Variants in CELSR1 observed in about 807,000 individuals in gnomAD.
CELSR1 encodes the protein adhesion G protein-coupled receptor C1.
A neutral mutation model predicts 249.1 loss-of-function variants in CELSR1; 110 were observed. The observed-to-expected ratio is 0.44, with a 90% CI of 0.38 to 0.52. CELSR1 has a LOEUF of 0.52. Among genes scored for constraint, CELSR1 ranks in the 20% least tolerant of loss-of-function variants. The probability of loss-of-function intolerance (pLI) is 0.00; values close to 1 mark genes in which losing one functional copy is unlikely to be tolerated. For missense variants in CELSR1, 4,109 were observed against 4,296.4 expected, an observed-to-expected ratio of 0.96 and a Z score of 1.22; for synonymous variants, 2,113 against 1,900.0, an observed-to-expected ratio of 1.11 and a Z score of -2.92.
intron 1 of CELSR1, among the ~76,000 whole-genome samples, chr22:46,511,119 C>A (rs886835086): frequency 1.3e-5 from 2 of 150,772 alleles, no homozygotes; most frequent in East Asian, 1.9e-4. Context: ...GTCTCAAAAA[C>A]ACACACACAC....
chr22:46,365,603 C>T lies in CELSR1; in HGVS notation c.8387G>A (p.Ser2796Asn), dbSNP rs1428430297. The T allele has an allele frequency of 6.3e-7, 1 of 1,593,332 alleles. No homozygotes were observed. Among genetic ancestry groups the T allele is most frequent in the Admixed American group, 1.8e-5 (1 of 57,130 alleles). The change falls in exon 31 of 35, where the codon AGC becomes AAC. Residue 2796 changes from serine (S) to asparagine (N), a missense_variant. Coordinates refer to ENST00000674500, the MANE Select transcript of CELSR1 (RefSeq NM_001378328.1). ...GEPDASLMPR[S>N]CKDPPGHDSD... ...AGCCATACCAGGGGGATCCTTGCAG[C>T]TCCTGGGCATGAGGGACGCGTCTGG...
rs1249875081 is a variant in CELSR1, at chr22:46,527,608, C to A, written c.3544+6019G>T. Among the ~76,000 whole-genome samples the A allele has an allele frequency of 2.6e-5, 4 of 152,246 alleles. No individual in the cohort carries two copies. The highest frequency in any genetic ancestry group is 5.9e-5 in the Non-Finnish European group (4 of 68,044). On this transcript the variant is annotated intron_variant, in intron 1 of 34. Coordinates refer to ENST00000674500, the MANE Select transcript of CELSR1 (RefSeq NM_001378328.1). The surrounding 1 kb of genome is among the most constrained non-coding windows in gnomAD (Gnocchi z 5.5). ...GGACCACACTGGCTCTCCCGGCTTT[C>A]GCACACAGCAGGTGCTCAATAAACA...
chr22:46,463,671 C>G (rs1219613215), intron 2 of CELSR1, 36 bp downstream of exon 2: 1 of 1,486,816 alleles, frequency 6.7e-7, no homozygotes, highest in Non-Finnish European at 8.9e-7. Flanking sequence ...GACCTGGGGA[C>G]ATGTACACAA....
intron 2 of CELSR1, among the ~76,000 whole-genome samples, chr22:46,460,550 A>G (rs1338020283): frequency 6.6e-6 from 1 of 152,200 alleles, no homozygotes; most frequent in Non-Finnish European, 1.5e-5. Context: ...TGAGCAATTT[A>G]ACAACAAACA....
chr22:46,364,905 C>T (rs916803731), intron 32 of CELSR1, among the ~76,000 whole-genome samples, 169 bp from the exon 33 acceptor site: 4 of 152,240 alleles, frequency 2.6e-5, no homozygotes, highest in African/African-American at 9.6e-5. Flanking sequence ...GTCCTGGCAG[C>T]AGGGCCCTTG....
At chr22:46,397,272 T>G (rs2079158039) in intron 12 of CELSR1, among the ~76,000 whole-genome samples, 1 of 143,396 alleles carries the variant, frequency 7.0e-6, no homozygotes, top group South Asian at 2.1e-4. Flanking sequence ...CCTGGCTAAT[T>G]TTTGCTTTTT....
At position 46,371,888 on chromosome 22, in the gene CELSR1, T is replaced by C. The variant is rs1158292666; in HGVS notation, c.7759+995A>G. Reference sequence around the variant, plus strand: ...TCCAATCCATCCATCCATCCATCCATCCACCCACCTCTCCATCCCTCCATC... The same window carrying C: ...TCCAATCCATCCATCCATCCATCCACCCACCCACCTCTCCATCCCTCCATC... On this transcript the variant is annotated intron_variant, in intron 25 of 34. Transcript: ENST00000674500. Among the ~76,000 whole-genome samples, 14 of 138,658 alleles carry C rather than the reference T, an allele frequency of 1.0e-4. No homozygotes were observed. The East Asian group carries it at 2.6e-3, about 26-fold the overall frequency. The allele number at this position is 138,658 out of a possible 152,430, so 91.0% of individuals were successfully genotyped here.
rs766527669 is a variant in CELSR1 at position 46,437,752 on chromosome 22, C to CAAAAAA, written c.4406+1431_4406+1436dup. 4.1e-3 allele frequency among the ~76,000 whole-genome samples: 452 copies of CAAAAAA among 110,954 alleles called. 3 individuals are homozygous for CAAAAAA. Among genetic ancestry groups the CAAAAAA allele is most frequent in the African/African-American group, 0.014 (423 of 29,422 alleles). The allele number at this position is 110,954 out of a possible 152,430, so 72.8% of individuals were successfully genotyped here. A position where few individuals can be genotyped will look rare whatever the true frequency, so the allele number is the denominator to read the frequency against. On this transcript the variant is annotated intron_variant, in intron 3 of 34. Coordinates refer to ENST00000674500, the MANE Select transcript of CELSR1 (RefSeq NM_001378328.1). This position sits in a 1 kb window ranked among gnomAD's most constrained non-coding sequence, Gnocchi z 4.9. ...CTGGCAACAAAGCAAGACTCCGTCT[C>CAAAAAA]AAAAAAAAAAAAAAAACTGATGGTT...
rs1430048416 is a variant in CELSR1 at position 46,433,805 on chromosome 22, C to G, written c.4523-324G>C. Among the ~76,000 whole-genome samples the G allele has an allele frequency of 6.6e-6, 1 of 152,202 alleles. No individual in the cohort carries two copies. Among genetic ancestry groups the G allele is most frequent in the African/African-American group, 2.4e-5 (1 of 41,438 alleles). On this transcript the variant is annotated intron_variant, in intron 4 of 34. Coordinates refer to ENST00000674500, the MANE Select transcript of CELSR1 (RefSeq NM_001378328.1). The surrounding 1 kb of genome is among the most constrained non-coding windows in gnomAD (Gnocchi z 5.7). ...GTTCAAGAGATTCTCCTGCCTCAGC[C>G]TCCTGAGTAGCTGGGATTACAGGCA... is the stretch of plus-strand genomic sequence containing the variant.
chr22:46,466,686 C>T (rs1456928827), intron 1 of CELSR1, among the ~76,000 whole-genome samples: 1 of 152,188 alleles, frequency 6.6e-6, no homozygotes, highest in Non-Finnish European at 1.5e-5. Flanking sequence ...CCAATACAGT[C>T]GACTCATAGA....
intron 31 of CELSR1, 99 bp downstream of exon 31, chr22:46,365,487 G>T (rs2078758787): frequency 1.3e-6 from 2 of 1,547,380 alleles, no homozygotes; most frequent in Non-Finnish European, 1.8e-6. Flanking sequence ...GCTGAGCATG[G>T]CGAGGCTGCT....
At chr22:46,368,286 A>G (rs2078810187) in intron 27 of CELSR1, among the ~76,000 whole-genome samples, 1 of 152,072 alleles carries the variant, frequency 6.6e-6, no homozygotes, top group Non-Finnish European at 1.5e-5. Flanking sequence ...CAAGGGGAAG[A>G]CAAAGGCGCA....
At position 46,446,734 on chromosome 22, in the gene CELSR1, CA is replaced by C. The variant is rs2079825490; in HGVS notation, c.4184-7324del. ...ATGCCTGCACTTAATCCATGAGTTA[CA>C]AAACGACATAATTCCCATATTTGAT... is the stretch of plus-strand genomic sequence containing the variant. On this transcript the variant is annotated intron_variant, in intron 2 of 34. Transcript: ENST00000674500. This position sits in a 1 kb window ranked among gnomAD's most constrained non-coding sequence, Gnocchi z 5.5. Among the ~76,000 whole-genome samples, 1 of 152,088 alleles carries C rather than the reference CA, an allele frequency of 6.6e-6. No homozygotes were observed. Among genetic ancestry groups the C allele is most frequent in the South Asian group, 2.1e-4 (1 of 4,826 alleles).
Position 46,448,132 on chromosome 22 carries a change from A to C in CELSR1, c.4184-8721T>G, listed in dbSNP as rs1267736042. Among the ~76,000 whole-genome samples the C allele has an allele frequency of 6.6e-6, 1 of 152,232 alleles. No homozygotes were observed. The highest frequency in any genetic ancestry group is 6.5e-5 in the Admixed American group (1 of 15,286). ...AAAAGCCCTGGCTTCACAGGGCTTC[A>C]GCAAACGGCTTACCTGCTGCAGGCG... On this transcript the variant is annotated intron_variant, in intron 2 of 34. Coordinates refer to ENST00000674500, the MANE Select transcript of CELSR1 (RefSeq NM_001378328.1). This position sits in a 1 kb window ranked among gnomAD's most constrained non-coding sequence, Gnocchi z 5.7.
rs2078974994 is a variant in CELSR1, at chr22:46,381,264, G to A, written c.7089-309C>T. ...AGCTAATGGCAGAATCACAGGGGAT[G>A]GTTTCAGTGTCCAGCAAAAGACACC... On this transcript the variant is annotated intron_variant, in intron 21 of 34. Transcript: ENST00000674500. The surrounding 1 kb of genome is among the most constrained non-coding windows in gnomAD (Gnocchi z 6.0). Among the ~76,000 whole-genome samples, 2 of 152,196 alleles carry A rather than the reference G, an allele frequency of 1.3e-5. No individual in the cohort carries two copies. Among genetic ancestry groups the A allele is most frequent in the African/African-American group, 4.8e-5 (2 of 41,442 alleles).
chr22:46,485,828 C>T (rs2080307506), intron 1 of CELSR1, among the ~76,000 whole-genome samples: 1 of 151,984 alleles, frequency 6.6e-6, no homozygotes, highest in East Asian at 1.9e-4. Context: ...AACGTGAACC[C>T]GTTTTGTTCA....
chr22:46,489,893 CA>C (rs34918973), intron 1 of CELSR1, among the ~76,000 whole-genome samples: 40 of 144,094 alleles, frequency 2.8e-4, no homozygotes, highest in Non-Finnish European at 2.4e-4. Flanking sequence ...GACTCCTTCT[CA>C]AAAAAAAAAA....
chr22:46,368,691 G>C (rs1163792213), intron 27 of CELSR1, among the ~76,000 whole-genome samples: 1 of 152,066 alleles, frequency 6.6e-6, no homozygotes, highest in African/African-American at 2.4e-5. Context: ...GGTGCCACCT[G>C]CTCCTTTGGG....
chr22:46,380,367 G>A lies in CELSR1; in HGVS notation c.7256+421C>T, dbSNP rs537686937. On this transcript the variant is annotated intron_variant, in intron 22 of 34. Transcript: ENST00000674500. The surrounding 1 kb of genome is among the most constrained non-coding windows in gnomAD (Gnocchi z 5.1). Reference sequence around the variant, plus strand: ...CTGTGTCAGCCTCTCGGGCAAGACCGTCAGCAGATGGGCTCTTAGGCCAGT... The same window carrying A: ...CTGTGTCAGCCTCTCGGGCAAGACCATCAGCAGATGGGCTCTTAGGCCAGT... Among the ~76,000 whole-genome samples the A allele has an allele frequency of 3.2e-4, 49 of 152,318 alleles. No individual in the cohort carries two copies. The highest frequency in any genetic ancestry group is 4.0e-4 in the Non-Finnish European group (27 of 68,032).
Sources: allele counts gnomAD v4.1 joint callset (sites outside exome capture counted in the v4.1 genomes callset), GRCh38; gene constraint gnomAD v4.1.1; non-coding constraint Gnocchi (gnomAD v3.1); transcripts MANE v1.5; gene names NCBI Gene and HGNC (gene_info 2026-07-23, HGNC 2026-07-21).